EML6: variants seen among roughly 807,000 people sequenced by gnomAD.
The protein encoded by EML6 is EMAP like 6, also known as echinoderm microtubule-associated protein-like 6.
A neutral mutation model predicts 240.1 loss-of-function variants in EML6; 154 were observed. The observed-to-expected ratio is 0.64, with a 90% confidence interval of 0.56 to 0.73. The LOEUF is 0.73. Ranked by LOEUF, EML6 falls within the 30% of genes least tolerant of loss-of-function variation. The pLI is 0.00. For missense variants in EML6, 2,964 were observed against 2,474.6 expected (o/e 1.20, Z -4.20); for synonymous variants, 1,148 against 899.0 (o/e 1.28, Z -4.95).
At chr2:54,846,771 A>G (rs995750412) in intron 8 of EML6, among the ~76,000 whole-genome samples, 1 of 150,854 alleles carries the variant, frequency 6.6e-6, no homozygotes, top group Non-Finnish European at 1.5e-5. Context: ...GGCATGAGCC[A>G]CTGTGTCTGG....
rs114325879 is a variant in EML6 at position 54,944,447 on chromosome 2, T to C, written c.4005-4435T>C. Among the ~76,000 whole-genome samples the C allele has an allele frequency of 9.7e-4, 148 of 152,262 alleles. 1 individual carries two copies. Among genetic ancestry groups the C allele is most frequent in the African/African-American group, 3.4e-3 (142 of 41,530 alleles). On this transcript the variant is annotated intron_variant, in intron 28 of 41. Transcript: ENST00000356458. Reference sequence around the variant, plus strand: ...CCTTTCTTTAAATATTCACCTGTTTTCTTCTCCATAACCACTGCTCCAGTC... The same window carrying C: ...CCTTTCTTTAAATATTCACCTGTTTCCTTCTCCATAACCACTGCTCCAGTC...
intron 2 of EML6, among the ~76,000 whole-genome samples, chr2:54,785,625 CTG>C (rs1488631384): frequency 2.0e-5 from 3 of 152,262 alleles, no homozygotes; most frequent in Admixed American, 6.5e-5. Flanking sequence ...TTTATCTCGA[CTG>C]TGAATGATTC....
In EML6 at chr2:54,914,816, A is replaced by C. The variant is rs80268035; in HGVS notation, c.3499-1943A>C. ...TTTTTTTAAGAAACAATCATGGTAA[A>C]CTAATAAAAAGCTTACCCAGCAAAT... On this transcript the variant is annotated intron_variant, in intron 25 of 41. Coordinates refer to ENST00000356458, the MANE Select transcript of EML6 (RefSeq NM_001039753.4). Among the ~76,000 whole-genome samples the C allele has an allele frequency of 3.0e-3, 462 of 152,320 alleles. 1 individual carries two copies. The highest frequency in any genetic ancestry group is 0.01 in the African/African-American group (423 of 41,566).
chr2:54,949,073 G>C (rs1291178123), intron 29 of EML6, 113 bp downstream of exon 29: 1 of 804,530 alleles, frequency 1.2e-6, no homozygotes, highest in South Asian at 1.6e-5. Context: ...TAGGTCCCTT[G>C]GGCTCTCTTT....
chr2:54,869,592 C>G (rs1671148041), intron 15 of EML6, among the ~76,000 whole-genome samples: 2 of 152,248 alleles, frequency 1.3e-5, no homozygotes, highest in African/African-American at 4.8e-5. Context: ...ATGATGAGAT[C>G]TATGAATGGG....
chr2:54,943,903 CAT>C (rs2104456253), intron 28 of EML6, among the ~76,000 whole-genome samples: 1 of 152,342 alleles, frequency 6.6e-6, no homozygotes, highest in South Asian at 2.1e-4. Context: ...TTGAAAGCCA[CAT>C]GTGGCATTGG....
chr2:54,829,377 C>G lies in EML6; in HGVS notation c.747C>G (p.Gly249=). ...TTAGCATGTATGCTTGTGAAGAAGG[C>G]TTTGCCACTGGTGGGCGAGATGGGT... ...GIFSMYACEE[G]FATGGRDGCI... Residue 249 remains glycine, a synonymous_variant, in exon 7 of 42, where the codon GGC becomes GGG. Coordinates refer to ENST00000356458, the MANE Select transcript of EML6 (RefSeq NM_001039753.4). 1.3e-6 allele frequency: 2 copies of G among 1,551,808 alleles called. No homozygotes were observed. The highest frequency in any genetic ancestry group is 1.7e-6 in the Non-Finnish European group (2 of 1,146,926).
At chr2:54,735,794 T>G (rs1683363003) in intron 2 of EML6, among the ~76,000 whole-genome samples, 1 of 152,198 alleles carries the variant, frequency 6.6e-6, no homozygotes, top group Admixed American at 6.5e-5. Context: ...GTTGAAGTGT[T>G]TATAAGAGGG....
At chr2:54,741,121 T>A (rs1299413312) in intron 2 of EML6, among the ~76,000 whole-genome samples, 3 of 152,226 alleles carry the variant, frequency 2.0e-5, no homozygotes, top group Admixed American at 1.3e-4. Context: ...ACTGAGTGCC[T>A]GGATACTCCT....
rs545485374 is a variant in EML6, at chr2:54,724,590, C to G, written c.-472C>G. ...CCAAAGACGGCGATGGCAGAGCTCA[C>G]CCGGGTTGCCTGTCAAATCAAGGCT... On this transcript the variant is annotated 5_prime_UTR_variant, in exon 2 of 42. Transcript: ENST00000356458. The surrounding 1 kb of genome is among the most constrained non-coding windows in gnomAD (Gnocchi z 5.2). 6.6e-6 allele frequency: 1 copy of G among 152,236 alleles called. No individual in the cohort carries two copies. The highest frequency in any genetic ancestry group is 1.9e-4 in the East Asian group (1 of 5,192). The allele number at this position is 152,236 out of a possible 1,614,324, so 9.4% of individuals were successfully genotyped here. A position where few individuals can be genotyped will look rare whatever the true frequency, so the allele number is the denominator to read the frequency against.
intron 2 of EML6, among the ~76,000 whole-genome samples, chr2:54,751,836 GGC>G (rs748308097): frequency 2.0e-4 from 30 of 152,122 alleles, no homozygotes; most frequent in Admixed American, 2.0e-4. Context: ...TGAAAACTGA[GGC>G]AGTTAGAGGG....
chr2:54,913,071 G>GTTTT (rs1216432893), intron 25 of EML6, among the ~76,000 whole-genome samples: 35 of 125,680 alleles, frequency 2.8e-4, no homozygotes, highest in South Asian at 5.1e-4. Flanking sequence ...GCCAGATTCT[G>GTTTT]TTTTTTTTTT....
intron 17 of EML6, chr2:54,880,845 C>G (rs1044415681): frequency 5.9e-5 from 9 of 152,278 alleles, no homozygotes; most frequent in African/African-American, 2.2e-4. Flanking sequence ...AAGCACATTT[C>G]TGGATTTCAA....
chr2:54,816,713 T>C, intron 3 of EML6, 74 bp from the exon 4 acceptor site: 1 of 1,151,018 alleles, frequency 8.7e-7, no homozygotes, highest in Non-Finnish European at 1.3e-6. Flanking sequence ...CCATAGTAAA[T>C]AGTAACTATT....
chr2:54,762,529 T>G (rs976260018), intron 2 of EML6, among the ~76,000 whole-genome samples: 20 of 152,296 alleles, frequency 1.3e-4, no homozygotes, highest in African/African-American at 4.6e-4. Flanking sequence ...ACCTCCAGAT[T>G]TAGTATCCGT....
chr2:54,927,869 G>T (rs1481023724), intron 26 of EML6, among the ~76,000 whole-genome samples: 1 of 152,230 alleles, frequency 6.6e-6, no homozygotes, highest in East Asian at 1.9e-4. Flanking sequence ...AGGTTTATAA[G>T]ATATCCTTTG....
At chr2:54,827,307 T>C (rs1572961026) in intron 5 of EML6, among the ~76,000 whole-genome samples, 2 of 152,212 alleles carry the variant, frequency 1.3e-5, no homozygotes. Flanking sequence ...TAAATCACCA[T>C]TAAACAATGA....
At chr2:54,896,685 C>A (rs1262104751) in intron 21 of EML6, among the ~76,000 whole-genome samples, 1 of 152,164 alleles carries the variant, frequency 6.6e-6, no homozygotes, top group Non-Finnish European at 1.5e-5. Flanking sequence ...CCCCTCCTTG[C>A]CTTGATCTCT....
intron 12 of EML6, among the ~76,000 whole-genome samples, chr2:54,860,000 A>G (rs1285784293): frequency 6.6e-6 from 1 of 152,192 alleles, no homozygotes; most frequent in Non-Finnish European, 1.5e-5. Flanking sequence ...CCAAATACAC[A>G]TTGATTCGCA....
Sources: allele counts gnomAD v4.1 joint callset (sites outside exome capture counted in the v4.1 genomes callset), GRCh38; gene constraint gnomAD v4.1.1; non-coding constraint Gnocchi (gnomAD v3.1); transcripts MANE v1.5; gene names NCBI Gene and HGNC (gene_info 2026-07-23, HGNC 2026-07-21).